Variants in VPS29 observed in about 807,000 individuals in gnomAD.
VPS29 encodes the protein vacuolar protein sorting-associated protein 29.
VPS29 carries 2 observed loss-of-function variants against 20.0 expected under a neutral mutation model. That is an observed-to-expected ratio of 0.10 (90% CI 0.04 to 0.31). The LOEUF is 0.31. Among genes scored for constraint, VPS29 ranks in the 10% least tolerant of loss-of-function variants. The pLI, the probability that VPS29 is intolerant of heterozygous loss-of-function variation, is 1.00. For synonymous variants in VPS29, 81 were observed against 79.3 expected, an observed-to-expected ratio of 1.02 and a Z score of -0.12; for missense variants, 120 against 215.3, an observed-to-expected ratio of 0.56 and a Z score of 2.77.
In VPS29 at chr12:110,491,154, AC is replaced by A. The variant is rs2062814112; in HGVS notation, c.*850del. On this transcript the variant is annotated 3_prime_UTR_variant, in exon 4 of 4. Coordinates refer to ENST00000549578, the MANE Select transcript of VPS29 (RefSeq NM_016226.5). Reference sequence around the variant, plus strand: ...GAGTGCAATGGTGTGATCTCGGCTCACTGCAACCTCCAACTCCAGGATTCAA... The same window carrying A: ...GAGTGCAATGGTGTGATCTCGGCTCATGCAACCTCCAACTCCAGGATTCAA... 1 of 149,172 alleles carries A rather than the reference AC, an allele frequency of 6.7e-6. No homozygotes were observed. Among genetic ancestry groups the A allele is most frequent in the African/African-American group, 2.5e-5 (1 of 40,362 alleles). The allele number at this position is 149,172 out of a possible 1,614,324, so 9.2% of individuals were successfully genotyped here. A position where few individuals can be genotyped will look rare whatever the true frequency, so the allele number is the denominator to read the frequency against.
intron 3 of VPS29, among the ~76,000 whole-genome samples, chr12:110,492,656 C>T (rs539127990): frequency 7.1e-6 from 1 of 141,180 alleles, no homozygotes; most frequent in Non-Finnish European, 1.5e-5. Context: ...GAGTCTCCTT[C>T]TGTCACCCTG....
chr12:110,501,881 C>T (rs1593012519), intron 1 of VPS29, 168 bp downstream of exon 1: 1 of 1,492,554 alleles, frequency 6.7e-7, no homozygotes. Context: ...GTGGCCGCTC[C>T]CTTCCTTCCC....
intron 3 of VPS29, among the ~76,000 whole-genome samples, chr12:110,492,612 T>TTTAC (rs1457081567): frequency 1.2e-5 from 1 of 80,118 alleles, no homozygotes; most frequent in African/African-American, 3.5e-5. Flanking sequence ...TATTTATTTA[T>TTTAC]TTATTTATTT....
chr12:110,496,004 T>TA lies in VPS29; in HGVS notation c.195+7dup. 6.6e-7 allele frequency: 1 copy of TA among 1,526,292 alleles called. No homozygotes were observed. The allele number at this position is 1,526,292 out of a possible 1,614,324, so 94.5% of individuals were successfully genotyped here. ...AGATATTTGAGAAGGGAAAGGGAAA[T>TA]ACATCACCTCATCGAAGTCTCCTCT... On this transcript the variant is annotated splice_region_variant and intron_variant, in intron 2 of 3. Transcript: ENST00000549578.
chr12:110,495,874 G>C, intron 2 of VPS29, 138 bp downstream of exon 2: 1 of 710,118 alleles, frequency 1.4e-6, no homozygotes, highest in African/African-American at 1.8e-5. Context: ...ATGATGTATA[G>C]TAATTTTACA....
intron 1 of VPS29, 23 bp downstream of exon 1, chr12:110,502,026 G>A (rs1565868815): frequency 6.2e-7 from 1 of 1,613,150 alleles, no homozygotes; most frequent in Non-Finnish European, 8.5e-7. Context: ...CCAGGCCTTG[G>A]TCGCCGCAAC....
chr12:110,497,403 G>C (rs964273237), intron 1 of VPS29, among the ~76,000 whole-genome samples: 1 of 150,990 alleles, frequency 6.6e-6, no homozygotes. Flanking sequence ...TTTTAGTAAA[G>C]ATAGGGTTTC....
chr12:110,499,754 A>T (rs2062968308), intron 1 of VPS29, among the ~76,000 whole-genome samples: 1 of 152,176 alleles, frequency 6.6e-6, no homozygotes, highest in African/African-American at 2.4e-5. Context: ...ACAATACCAA[A>T]ATAAATATTT....
At chr12:110,497,630 C>T (rs1382667333) in intron 1 of VPS29, among the ~76,000 whole-genome samples, 1 of 151,972 alleles carries the variant, frequency 6.6e-6, no homozygotes, top group African/African-American at 2.4e-5. Context: ...GTGGCTCACA[C>T]CTGTAATCCC....
At chr12:110,493,534 G>C (rs1413224321) in intron 2 of VPS29, among the ~76,000 whole-genome samples, 1 of 151,818 alleles carries the variant, frequency 6.6e-6, no homozygotes, top group Non-Finnish European at 1.5e-5. Context: ...TAATTTTTTT[G>C]TATTTTTAGT....
intron 1 of VPS29, 136 bp from the exon 2 acceptor site, chr12:110,496,339 G>T: frequency 1.4e-6 from 1 of 728,904 alleles, no homozygotes; most frequent in Non-Finnish European, 2.1e-6. Flanking sequence ...TTCCTATCAT[G>T]ACTATTTATT....
chr12:110,496,110 G>C lies in VPS29; in HGVS notation c.97C>G (p.His33Asp), dbSNP rs764216001. Residue 33 changes from histidine to aspartate, a missense_variant, in exon 2 of 4, where the codon CAC becomes GAC. By Grantham distance (81) the His-to-Asp change is moderately conservative. Transcript: ENST00000549578. The part of the protein sequence containing the change: ...KKLLVPGKIQ[H>D]ILCTGNLCTK... ...CAAAGGTTTCCTGTGCAGAGAATGT[G>C]CTGAATTTTTCCTGGCACCAGGAGT... 1 of 1,614,084 alleles carries C rather than the reference G, an allele frequency of 6.2e-7. No individual in the cohort carries two copies. Among genetic ancestry groups the C allele is most frequent in the Non-Finnish European group, 8.5e-7 (1 of 1,179,966 alleles).
At chr12:110,501,361 T>C (rs2063035030) in intron 1 of VPS29, 3 of 1,534,002 alleles carry the variant, frequency 2.0e-6, no homozygotes, top group Non-Finnish European at 2.6e-6. Context: ...AATGTGTATA[T>C]TCACAAAAAT....
At chr12:110,495,945 G>A in intron 2 of VPS29, 67 bp downstream of exon 2, 4 of 1,364,798 alleles carry the variant, frequency 2.9e-6, no homozygotes, top group Admixed American at 2.4e-5. Flanking sequence ...CTGGTCTAAA[G>A]ATAAAGCTTA....
At chr12:110,501,499 C>A in intron 1 of VPS29, 1 of 1,535,492 alleles carries the variant, frequency 6.5e-7, no homozygotes, top group Non-Finnish European at 8.7e-7. Flanking sequence ...AGCACACCTG[C>A]TCATCTCAAT....
intron 3 of VPS29, among the ~76,000 whole-genome samples, chr12:110,492,599 T>TTTATTTA (rs1478773535): frequency 2.3e-5 from 3 of 132,344 alleles, no homozygotes; most frequent in African/African-American, 8.8e-5. Flanking sequence ...TTTATTTTTA[T>TTTATTTA]TTTATTTATT....
intron 2 of VPS29, among the ~76,000 whole-genome samples, chr12:110,493,937 C>T (rs1408226326): frequency 1.3e-5 from 2 of 152,126 alleles, no homozygotes; most frequent in African/African-American, 4.8e-5. Context: ...AGAGCTAACA[C>T]TTACATAGTA....
intron 1 of VPS29, chr12:110,496,491 G>A (rs914885887): frequency 4.3e-6 from 1 of 234,872 alleles, no homozygotes; most frequent in African/African-American, 2.2e-5. Context: ...TATTTTGGTT[G>A]TAAACAGTTG....
intron 1 of VPS29, chr12:110,501,681 G>C: frequency 6.9e-7 from 1 of 1,457,882 alleles, no homozygotes; most frequent in Non-Finnish European, 9.3e-7. Flanking sequence ...GAAACGAGTA[G>C]GAACCGTCTG....
Sources: allele counts gnomAD v4.1 joint callset (sites outside exome capture counted in the v4.1 genomes callset), GRCh38; gene constraint gnomAD v4.1.1; transcripts MANE v1.5; gene names NCBI Gene and HGNC (gene_info 2026-07-23, HGNC 2026-07-21).